Variants in SLC24A4 observed in about 807,000 individuals in gnomAD.
The protein encoded by SLC24A4 is solute carrier family 24 member 4.
In SLC24A4, 53 loss-of-function variants were observed where a neutral mutation model predicts 79.0. That is an observed-to-expected ratio of 0.67 (90% CI 0.54 to 0.84). The LOEUF is 0.84. Among genes scored for constraint, SLC24A4 ranks in the 40% least tolerant of loss-of-function variants. The pLI is 0.00. For synonymous variants in SLC24A4, 323 were observed against 323.8 expected (o/e 1.00, Z 0.03); for missense variants, 731 against 822.0 (o/e 0.89, Z 1.35).
At chr14:92,462,027 G>A (rs1036973209) in intron 12 of SLC24A4, 1 of 152,228 alleles carries the variant, frequency 6.6e-6, no homozygotes, top group Non-Finnish European at 1.5e-5. Context: ...TGTGAGGGAG[G>A]AATATTATCC....
intron 2 of SLC24A4, among the ~76,000 whole-genome samples, chr14:92,376,963 G>T (rs1276584575): frequency 1.3e-5 from 2 of 152,214 alleles, no homozygotes. Context: ...CAGTGCTGAG[G>T]CTGGGAACAC....
chr14:92,480,259 G>T (rs1156901914), intron 12 of SLC24A4, among the ~76,000 whole-genome samples: 1 of 142,168 alleles, frequency 7.0e-6, no homozygotes, highest in Non-Finnish European at 1.5e-5. Flanking sequence ...AAGGAGAAAG[G>T]TTTGGACATT....
At chr14:92,366,308 A>T (rs546798728) in intron 2 of SLC24A4, among the ~76,000 whole-genome samples, 2 of 152,208 alleles carry the variant, frequency 1.3e-5, no homozygotes, top group Admixed American at 6.5e-5. Flanking sequence ...TCTGGTGGGC[A>T]GATGGTCCTG....
At chr14:92,382,042 C>T (rs981476912) in intron 2 of SLC24A4, among the ~76,000 whole-genome samples, 4 of 151,916 alleles carry the variant, frequency 2.6e-5, no homozygotes, top group South Asian at 2.1e-4. Context: ...ACCATCTTTC[C>T]TGCTATTTAA....
intron 2 of SLC24A4, among the ~76,000 whole-genome samples, chr14:92,372,917 C>A (rs1888258749): frequency 9.2e-6 from 1 of 108,910 alleles, no homozygotes. Flanking sequence ...TCCTTCCTTC[C>A]TTTCTTTCTC....
At chr14:92,379,327 C>T (rs1474946589) in intron 2 of SLC24A4, among the ~76,000 whole-genome samples, 1 of 152,076 alleles carries the variant, frequency 6.6e-6, no homozygotes, top group African/African-American at 2.4e-5. Context: ...TCCACAGGAT[C>T]CCCTGAGTTC....
At chr14:92,444,612 T>C (rs1475214360) in intron 7 of SLC24A4, among the ~76,000 whole-genome samples, 2 of 152,164 alleles carry the variant, frequency 1.3e-5, no homozygotes, top group Non-Finnish European at 2.9e-5. Flanking sequence ...CCTAGCACTT[T>C]GGAAGGCCGA....
At position 92,488,172 on chromosome 14, in the gene SLC24A4, A is replaced by G. The variant is rs543687874; in HGVS notation, c.1537+1392A>G. On this transcript the variant is annotated intron_variant, in intron 14 of 16. Transcript: ENST00000532405. ...CTGCAGCCTCTGCCCCCTGGGTTCA[A>G]GCGGTTCTCCTGCCTCACCCTTCCG... Among the ~76,000 whole-genome samples the G allele has an allele frequency of 7.9e-5, 12 of 151,500 alleles. No individual in the cohort carries two copies. In the East Asian group the frequency reaches 2.1e-3, roughly 27 times the overall value.
intron 2 of SLC24A4, among the ~76,000 whole-genome samples, chr14:92,362,842 G>A (rs7342564): frequency 1.3e-5 from 2 of 152,178 alleles, no homozygotes; most frequent in Non-Finnish European, 2.9e-5. Context: ...CGCAGAGAGA[G>A]GCGGCAGCTC....
intron 2 of SLC24A4, among the ~76,000 whole-genome samples, chr14:92,341,856 C>G (rs1452347990): frequency 1.3e-5 from 2 of 152,184 alleles, no homozygotes; most frequent in Non-Finnish European, 2.9e-5. Flanking sequence ...CTGAGTGATT[C>G]TTCTCTGGGC....
intron 8 of SLC24A4, among the ~76,000 whole-genome samples, chr14:92,446,137 T>A (rs927925346): frequency 2.6e-5 from 4 of 151,988 alleles, no homozygotes; most frequent in African/African-American, 9.7e-5. Context: ...AAAAATTTTC[T>A]TTTGATTGCC....
chr14:92,456,280 T>A (rs1893454755), intron 11 of SLC24A4, 124 bp from the exon 12 acceptor site: 16 of 884,802 alleles, frequency 1.8e-5, no homozygotes, highest in Non-Finnish European at 2.9e-5. Context: ...CAGGCAAACC[T>A]GTCCCCAGGG....
chr14:92,337,470 C>G (rs1243109062), intron 2 of SLC24A4, among the ~76,000 whole-genome samples: 2 of 152,208 alleles, frequency 1.3e-5, no homozygotes, highest in South Asian at 2.1e-4. Context: ...ACACCTCTCT[C>G]CCTGGCTGAC....
chr14:92,397,351 C>T (rs550466347), intron 2 of SLC24A4, among the ~76,000 whole-genome samples: 2 of 152,246 alleles, frequency 1.3e-5, no homozygotes, highest in Admixed American at 1.3e-4. Context: ...CCATGTGGAG[C>T]GACCATCTGT....
chr14:92,403,739 T>C (rs1348698521), intron 2 of SLC24A4, among the ~76,000 whole-genome samples: 1 of 152,150 alleles, frequency 6.6e-6, no homozygotes, highest in Non-Finnish European at 1.5e-5. Flanking sequence ...TATTTCAAAG[T>C]AGGCATCTCT....
intron 2 of SLC24A4, among the ~76,000 whole-genome samples, chr14:92,417,002 T>A (rs890818454): frequency 6.6e-6 from 1 of 152,250 alleles, no homozygotes; most frequent in Non-Finnish European, 1.5e-5. Context: ...CTACACATAT[T>A]AAGCACTTAT....
At chr14:92,465,022 T>G (rs1894026176) in intron 12 of SLC24A4, among the ~76,000 whole-genome samples, 1 of 152,058 alleles carries the variant, frequency 6.6e-6, no homozygotes, top group African/African-American at 2.4e-5. Context: ...AGAGTGTCCA[T>G]GGCAGCCCTG....
chr14:92,340,766 G>A (rs1454747481), intron 2 of SLC24A4, among the ~76,000 whole-genome samples: 2 of 151,938 alleles, frequency 1.3e-5, no homozygotes, highest in African/African-American at 2.4e-5. Flanking sequence ...CTAATTCTGC[G>A]CTCCCTCCAC....
chr14:92,484,174 TC>T, intron 13 of SLC24A4: 1 of 985,068 alleles, frequency 1.0e-6, no homozygotes, highest in African/African-American at 1.7e-5. Flanking sequence ...AATCACGCCT[TC>T]CCCCATCTCT....
Sources: gnomAD v4.1 joint callset for allele counts (sites outside exome capture counted in the v4.1 genomes callset) on GRCh38, gnomAD v4.1.1 for gene constraint, MANE v1.5 for transcripts, NCBI Gene and HGNC (gene_info 2026-07-23, HGNC 2026-07-21) for gene names.